Variants in FGF14 observed in about 807,000 individuals in gnomAD.
FGF14 encodes fibroblast growth factor 14.
A neutral mutation model predicts 25.5 loss-of-function variants in FGF14; 5 were observed. That is an observed-to-expected ratio of 0.20 (90% CI 0.10 to 0.41). The LOEUF (loss-of-function observed/expected upper bound fraction) is 0.41. Ranked by LOEUF, FGF14 falls within the 10% of genes least tolerant of loss-of-function variation. FGF14 has a pLI of 1.00. For missense variants in FGF14, 222 were observed against 320.1 expected, an observed-to-expected ratio of 0.69 and a Z score of 2.34; for synonymous variants, 138 against 118.3, an observed-to-expected ratio of 1.17 and a Z score of -1.08.
chr13:102,088,344 C>T (rs541048037), intron 1 of FGF14, among the ~76,000 whole-genome samples: 131 of 152,208 alleles, frequency 8.6e-4, no homozygotes, highest in African/African-American at 3.0e-3. Context: ...CTGTGCTAAG[C>T]AGAGAGAATT....
chr13:102,185,549 T>G (rs2048842767), intron 1 of FGF14, among the ~76,000 whole-genome samples: 1 of 151,698 alleles, frequency 6.6e-6, no homozygotes, highest in African/African-American at 2.4e-5. Flanking sequence ...TATTCTATAC[T>G]CACAATAATA....
intron 1 of FGF14, among the ~76,000 whole-genome samples, chr13:101,910,206 C>T (rs879851490): frequency 2.0e-5 from 3 of 151,894 alleles, no homozygotes; most frequent in African/African-American, 4.8e-5. Context: ...AACAAACCTG[C>T]GCTTTGTGCA....
intron 1 of FGF14, among the ~76,000 whole-genome samples, chr13:102,339,009 CAAAAA>C (rs56216247): frequency 7.5e-6 from 1 of 134,148 alleles, no homozygotes. Context: ...GACTCTGTCT[CAAAAA>C]AAAAAAAAAA....
At chr13:101,966,808 G>A (rs999152594) in intron 1 of FGF14, among the ~76,000 whole-genome samples, 4 of 152,142 alleles carry the variant, frequency 2.6e-5, no homozygotes, top group African/African-American at 9.7e-5. Context: ...CCACTCAGTT[G>A]TTGATGCTTT....
At chr13:101,820,866 C>G (rs557301434) in intron 3 of FGF14, among the ~76,000 whole-genome samples, 1 of 135,330 alleles carries the variant, frequency 7.4e-6, no homozygotes, top group South Asian at 2.9e-4. Context: ...ATTTTTAGCA[C>G]TGGAGATACA....
intron 1 of FGF14, among the ~76,000 whole-genome samples, chr13:102,052,607 C>T (rs2042262214): frequency 6.6e-6 from 1 of 151,482 alleles, no homozygotes; most frequent in Non-Finnish European, 1.5e-5. Context: ...ACCTTATAGG[C>T]CAGGAAAAAG....
chr13:102,013,511 T>C (rs1284355994), intron 1 of FGF14, among the ~76,000 whole-genome samples: 2 of 152,228 alleles, frequency 1.3e-5, no homozygotes, highest in African/African-American at 4.8e-5. Flanking sequence ...GCTGTCTCGC[T>C]ATGGAGCTGT....
intron 1 of FGF14, among the ~76,000 whole-genome samples, chr13:102,152,605 G>A (rs947949839): frequency 5.3e-5 from 8 of 152,104 alleles, no homozygotes; most frequent in Admixed American, 5.2e-4. Context: ...GAATTTTAGG[G>A]GGACGCAATT....
At chr13:102,318,928 A>G (rs913358393) in intron 1 of FGF14, among the ~76,000 whole-genome samples, 1 of 152,162 alleles carries the variant, frequency 6.6e-6, no homozygotes, top group Non-Finnish European at 1.5e-5. Flanking sequence ...TGAGTGAATC[A>G]TCCTTTCTGA....
intron 1 of FGF14, among the ~76,000 whole-genome samples, chr13:101,973,630 G>A (rs878907344): frequency 6.6e-5 from 10 of 152,172 alleles, no homozygotes; most frequent in Non-Finnish European, 1.5e-4. Flanking sequence ...CATCCAGCAC[G>A]GGAGAAAGAT....
chr13:101,929,661 A>G (rs1283019302), intron 1 of FGF14, among the ~76,000 whole-genome samples: 1 of 152,210 alleles, frequency 6.6e-6, no homozygotes, highest in Non-Finnish European at 1.5e-5. Context: ...AATGTGTGAG[A>G]CATGGTCATT....
chr13:102,273,849 G>T (rs983494250), intron 1 of FGF14, among the ~76,000 whole-genome samples: 1 of 150,954 alleles, frequency 6.6e-6, no homozygotes, highest in Admixed American at 6.6e-5. Context: ...TGAGGTGGGA[G>T]AATTGCTTGA....
At chr13:102,164,362 A>T (rs1468652362) in intron 1 of FGF14, among the ~76,000 whole-genome samples, 1 of 152,152 alleles carries the variant, frequency 6.6e-6, no homozygotes, top group Non-Finnish European at 1.5e-5. Flanking sequence ...TGAATATTAG[A>T]CACTGTGTTT....
intron 1 of FGF14, among the ~76,000 whole-genome samples, chr13:102,044,297 TA>T (rs2041878831): frequency 6.6e-6 from 1 of 152,022 alleles, no homozygotes; most frequent in African/African-American, 2.4e-5. Context: ...TAATTACCCC[TA>T]AAAGATAACT....
At chr13:102,309,576 C>A (rs1430500750) in intron 1 of FGF14, among the ~76,000 whole-genome samples, 4 of 152,100 alleles carry the variant, frequency 2.6e-5, no homozygotes, top group Non-Finnish European at 4.4e-5. Flanking sequence ...AAGGACCATA[C>A]AATTTGGGTA....
intron 1 of FGF14, among the ~76,000 whole-genome samples, chr13:102,065,649 A>C (rs907918174): frequency 2.0e-5 from 3 of 152,060 alleles, no homozygotes; most frequent in African/African-American, 7.2e-5. Flanking sequence ...TCTTTTAATA[A>C]TACTGTCAAT....
intron 1 of FGF14, among the ~76,000 whole-genome samples, chr13:102,085,234 G>A (rs367996658): frequency 8.8e-4 from 134 of 151,912 alleles, no homozygotes; most frequent in African/African-American, 3.0e-3. Context: ...CCTCCTATGT[G>A]TATGTGCTGG....
intron 1 of FGF14, among the ~76,000 whole-genome samples, chr13:102,009,753 AG>A (rs764816448): frequency 1.2e-4 from 18 of 152,196 alleles, no homozygotes; most frequent in Non-Finnish European, 2.2e-4. Context: ...ATTTATAAGT[AG>A]GTAAACTACA....
rs184985182 is a variant in FGF14 at position 102,156,192 on chromosome 13, C to A, written c.208+245279G>T. 4.9e-3 allele frequency among the ~76,000 whole-genome samples: 749 copies of A among 152,212 alleles called. 8 individuals are homozygous for A. Among genetic ancestry groups the A allele is most frequent in the African/African-American group, 0.017 (708 of 41,512 alleles). ...GCATCATCCTGATACCAAAGCCGGG[C>A]AGAGACACAACAAAAAAAAGAGAAT... On this transcript the variant is annotated intron_variant, in intron 1 of 4. Coordinates refer to the FGF14 transcript ENST00000376131.
Sources: allele counts gnomAD v4.1 joint callset (sites outside exome capture counted in the v4.1 genomes callset), GRCh38; gene constraint gnomAD v4.1.1; transcripts MANE v1.5; gene names NCBI Gene and HGNC (gene_info 2026-07-23, HGNC 2026-07-21).